Variants in GPR89A observed in about 807,000 individuals in gnomAD.
The protein encoded by GPR89A is golgi pH regulator A.
A neutral mutation model predicts 52.0 loss-of-function variants in GPR89A; 16 were observed. The observed-to-expected ratio is 0.31, with a 90% CI of 0.21 to 0.47. The LOEUF (loss-of-function observed/expected upper bound fraction) is 0.47, where lower values mean the gene tolerates loss of function less well. Ranked by LOEUF, GPR89A falls within the 20% of genes least tolerant of loss-of-function variation. The probability of loss-of-function intolerance (pLI) is 1.00; values close to 1 mark genes in which losing one functional copy is unlikely to be tolerated. For synonymous variants in GPR89A, 55 were observed against 150.9 expected (o/e 0.36, Z 4.66); for missense variants, 135 against 449.4 (o/e 0.30, Z 6.33).
chr1:145,634,189 C>T (rs191521883), intron 7 of GPR89A, among the ~76,000 whole-genome samples: 42 of 151,704 alleles, frequency 2.8e-4, no homozygotes, highest in African/African-American at 9.9e-4. Flanking sequence ...AAGCAATTCT[C>T]CTGCCTCAGC....
At position 145,623,171 on chromosome 1, in the gene GPR89A, T is replaced by C. The variant is rs1553688437; in HGVS notation, c.313+11T>C. On this transcript the variant is annotated intron_variant, in intron 4 of 13. Transcript: ENST00000313835. ...GCAATATCCGACTACGTAAGTATTTTACCCTCTCAGTCAGCATATAGATTG... is the reference window on the plus strand; with the variant it reads ...GCAATATCCGACTACGTAAGTATTTCACCCTCTCAGTCAGCATATAGATTG... 1.9e-6 allele frequency: 3 copies of C among 1,613,206 alleles called. No homozygotes were observed. Among genetic ancestry groups the C allele is most frequent in the Non-Finnish European group, 1.7e-6 (2 of 1,179,358 alleles).
intron 12 of GPR89A, among the ~76,000 whole-genome samples, chr1:145,666,478 A>G (rs587755464): frequency 6.6e-6 from 1 of 152,160 alleles, no homozygotes; most frequent in Admixed American, 6.6e-5. Flanking sequence ...GTTTTGTTAT[A>G]CATCATTTCA....
At chr1:145,643,163 GTTTGTTTTTGT>G (rs1451023126) in intron 7 of GPR89A, among the ~76,000 whole-genome samples, 1 of 150,668 alleles carries the variant, frequency 6.6e-6, no homozygotes. Flanking sequence ...TTTTTTGTTT[GTTTGTTTTTGT>G]TTTGTTTTTG....
In GPR89A at chr1:145,663,427, A is replaced by C. The variant is rs369231904; in HGVS notation, c.1005+3A>C. The stretch of plus-strand genomic sequence containing the variant: ...ATTATCTGGGAATCCAATTTGATGT[A>C]AGTGTTATATCAAGATCCTGGTTTG... On this transcript the variant is annotated splice_donor_region_variant and intron_variant, in intron 11 of 13. Transcript: ENST00000313835. The C allele has an allele frequency of 6.2e-7, 1 of 1,610,334 alleles. No homozygotes were observed. Among genetic ancestry groups the C allele is most frequent in the African/African-American group, 1.3e-5 (1 of 74,758 alleles).
In GPR89A at chr1:145,638,907, G is replaced by T. The variant is rs587720627; in HGVS notation, c.618-4962G>T. Among the ~76,000 whole-genome samples the T allele has an allele frequency of 8.1e-5, 12 of 147,704 alleles. 1 individual carries two copies. The highest frequency in any genetic ancestry group is 3.2e-4 in the African/African-American group (12 of 37,978). Reference sequence around the variant, plus strand: ...AGAGGCTAAAGCGAGAGGATTGTTTGAGCCCAGGAGTTTGAGTGCAGCCTG... The same window carrying T: ...AGAGGCTAAAGCGAGAGGATTGTTTTAGCCCAGGAGTTTGAGTGCAGCCTG... On this transcript the variant is annotated intron_variant, in intron 7 of 13. Coordinates refer to ENST00000313835, the MANE Select transcript of GPR89A (RefSeq NM_001097612.2).
chr1:145,627,138 C>T (rs1553689156), intron 5 of GPR89A, among the ~76,000 whole-genome samples: 1 of 150,508 alleles, frequency 6.6e-6, no homozygotes, highest in Non-Finnish European at 1.5e-5. Context: ...TTCTGCTAGT[C>T]TCCTTATTCA....
At chr1:145,645,766 T>C in intron 8 of GPR89A, 1 of 451,576 alleles carries the variant, frequency 2.2e-6, no homozygotes, top group East Asian at 6.9e-5. Flanking sequence ...AATCCTAGCC[T>C]ATATTAGAAC....
chr1:145,612,467 A>C (rs1446924937), intron 1 of GPR89A, among the ~76,000 whole-genome samples: 1 of 152,192 alleles, frequency 6.6e-6, no homozygotes, highest in African/African-American at 2.4e-5. Flanking sequence ...TGAAAAAATA[A>C]TATTTAAAAA....
intron 2 of GPR89A, among the ~76,000 whole-genome samples, chr1:145,616,759 A>G (rs1427179730): frequency 6.6e-6 from 1 of 152,046 alleles, no homozygotes; most frequent in Non-Finnish European, 1.5e-5. Context: ...GAAAGAGTAC[A>G]AAGAGAGAAA....
chr1:145,630,598 T>TA, intron 5 of GPR89A, 89 bp from the exon 6 acceptor site: 1 of 633,524 alleles, frequency 1.6e-6, no homozygotes. Context: ...GTGTAATGGT[T>TA]AATGTTTTAA....
At chr1:145,638,556 C>G (rs1350473290) in intron 7 of GPR89A, among the ~76,000 whole-genome samples, 3 of 145,336 alleles carry the variant, frequency 2.1e-5, no homozygotes, top group Non-Finnish European at 4.4e-5. Context: ...GAAAACTCAA[C>G]AAAAGTCTCA....
chr1:145,625,820 A>T (rs587702112), intron 5 of GPR89A, among the ~76,000 whole-genome samples: 1 of 150,238 alleles, frequency 6.7e-6, no homozygotes, highest in East Asian at 1.9e-4. Context: ...CATCTATAAA[A>T]CTTAAAATTT....
At position 145,658,981 on chromosome 1, in the gene GPR89A, T is replaced by A. The variant is rs1446407379; in HGVS notation, c.910-4348T>A. On this transcript the variant is annotated intron_variant, in intron 10 of 13. Coordinates refer to ENST00000313835, the MANE Select transcript of GPR89A (RefSeq NM_001097612.2). Reference sequence around the variant, plus strand: ...TTAGTAGAGACGAGGTTTGACCATGTTGGCCAGGCTGGTCTCAACTCCTGA... The same window carrying A: ...TTAGTAGAGACGAGGTTTGACCATGATGGCCAGGCTGGTCTCAACTCCTGA... Among the ~76,000 whole-genome samples, 3 of 152,094 alleles carry A rather than the reference T, an allele frequency of 2.0e-5. No homozygotes were observed. The East Asian group carries it at 5.8e-4, about 29-fold the overall frequency.
At chr1:145,637,613 C>G (rs1419599886) in intron 7 of GPR89A, among the ~76,000 whole-genome samples, 4 of 149,424 alleles carry the variant, frequency 2.7e-5, no homozygotes, top group Admixed American at 6.7e-5. Flanking sequence ...GACCAATGTT[C>G]AAGATAAAAA....
intron 1 of GPR89A, 29 bp from the exon 2 acceptor site, chr1:145,616,205 A>G: frequency 1.3e-6 from 2 of 1,571,188 alleles, no homozygotes; most frequent in South Asian, 2.2e-5. Context: ...GAAAATATGT[A>G]TTGACATTCT....
intron 1 of GPR89A, among the ~76,000 whole-genome samples, chr1:145,611,119 G>C (rs1182234285): frequency 6.7e-6 from 1 of 150,268 alleles, no homozygotes; most frequent in African/African-American, 2.4e-5. Context: ...AATCTTGCCA[G>C]AATTTGTGTT....
At chr1:145,617,079 A>G (rs1439543473) in intron 2 of GPR89A, among the ~76,000 whole-genome samples, 1 of 152,112 alleles carries the variant, frequency 6.6e-6, no homozygotes, top group Non-Finnish European at 1.5e-5. Context: ...GAATTTCCCA[A>G]TCCTAGTAAG....
intron 7 of GPR89A, among the ~76,000 whole-genome samples, chr1:145,640,100 T>A (rs1311775630): frequency 2.7e-5 from 4 of 150,842 alleles, no homozygotes; most frequent in Non-Finnish European, 4.4e-5. Context: ...GCACCTGTAA[T>A]CCCAGCTACT....
chr1:145,646,168 G>T lies in GPR89A; in HGVS notation c.728-16G>T, dbSNP rs1467897640. The T allele has an allele frequency of 6.2e-7, 1 of 1,612,994 alleles. No homozygotes were observed. The highest frequency in any genetic ancestry group is 2.2e-5 in the East Asian group (1 of 44,866). On this transcript the variant is annotated splice_polypyrimidine_tract_variant and intron_variant, in intron 8 of 13. Transcript: ENST00000313835. ...ATTCCTATGTGATTAAAACCTTGAT[G>T]CCCATTCTGTGCCAGATCTTACTCT... is the stretch of plus-strand genomic sequence containing the variant.
Sources: allele counts gnomAD v4.1 joint callset (sites outside exome capture counted in the v4.1 genomes callset), GRCh38; gene constraint gnomAD v4.1.1; transcripts MANE v1.5; gene names NCBI Gene and HGNC (gene_info 2026-07-23, HGNC 2026-07-21).